ZNF610: variants seen among roughly 807,000 people sequenced by gnomAD.
ZNF610 encodes zinc finger protein 610.
In ZNF610, 14 loss-of-function variants were observed where a neutral mutation model predicts 14.1. The ratio of observed to expected loss-of-function variants is 0.99; its 90% CI spans 0.65 to 1.55. The LOEUF (loss-of-function observed/expected upper bound fraction) is 1.55, where lower values mean the gene tolerates loss of function less well. Among genes scored for constraint, ZNF610 ranks in the 40% most tolerant of loss-of-function variants. The pLI, the probability that ZNF610 is intolerant of heterozygous loss-of-function variation, is 0.00. For missense variants in ZNF610, 530 were observed against 558.0 expected (o/e 0.95, Z 0.51); for synonymous variants, 185 against 187.6 (o/e 0.99, Z 0.11).
At chr19:52,337,249 G>T (rs981373758) in intron 1 of ZNF610, among the ~76,000 whole-genome samples, 15 of 150,262 alleles carry the variant, frequency 1.0e-4, no homozygotes, top group African/African-American at 2.3e-4. Context: ...ACAGCAAGAG[G>T]GGGCAGCTGA....
rs162118 is a variant in ZNF610 at position 52,367,473 on chromosome 19, G to C, written c.*706G>C. 6.6e-6 allele frequency: 1 copy of C among 152,094 alleles called. No individual in the cohort carries two copies. The highest frequency in any genetic ancestry group is 2.4e-5 in the African/African-American group (1 of 41,408). The allele number at this position is 152,094 out of a possible 1,614,324, so 9.4% of individuals were successfully genotyped here. A position where few individuals can be genotyped will look rare whatever the true frequency, so the allele number is the denominator to read the frequency against. On this transcript the variant is annotated 3_prime_UTR_variant, in exon 6 of 6. Coordinates refer to ENST00000403906, the MANE Select transcript of ZNF610 (RefSeq NM_001161425.2). ...AATGAATTACATCCTTTCTACCAGC[G>C]TTGTTTAATCTTACCTCAGGAGGAT...
intron 3 of ZNF610, among the ~76,000 whole-genome samples, chr19:52,351,490 CT>C (rs960265149): frequency 4.0e-5 from 6 of 150,634 alleles, no homozygotes; most frequent in East Asian, 1.9e-4. Flanking sequence ...AGTCACCTCT[CT>C]TTTTTTTTGT....
chr19:52,342,454 C>T (rs554318625), intron 1 of ZNF610, among the ~76,000 whole-genome samples: 3 of 151,964 alleles, frequency 2.0e-5, no homozygotes, highest in South Asian at 2.1e-4. Flanking sequence ...TTTGCACAGC[C>T]GATCACTCCC....
At chr19:52,341,922 C>T (rs1984709766) in intron 1 of ZNF610, among the ~76,000 whole-genome samples, 2 of 152,126 alleles carry the variant, frequency 1.3e-5, no homozygotes, top group South Asian at 4.1e-4. Flanking sequence ...ACAATTCTCC[C>T]ACCTCAGCCT....
chr19:52,366,516 G>A lies in ZNF610; in HGVS notation c.1138G>A (p.Ala380Thr), dbSNP rs763454191. Residue 380 changes from alanine (A) to threonine (T), a missense_variant, in exon 6 of 6, where the codon GCA becomes ACA. Transcript: ENST00000403906. Reference protein sequence around the residue: ...KPYKCNECGRAFHKRPGLMAH... With the variant: ...KPYKCNECGRTFHKRPGLMAH... Reference sequence around the variant, plus strand: ...CTACAAATGTAACGAATGTGGAAGAGCATTTCACAAGCGTCCGGGCCTTAT... The same window carrying A: ...CTACAAATGTAACGAATGTGGAAGAACATTTCACAAGCGTCCGGGCCTTAT... 2.5e-6 allele frequency: 4 copies of A among 1,614,060 alleles called. No individual in the cohort carries two copies. The highest frequency in any genetic ancestry group is 1.7e-6 in the Non-Finnish European group (2 of 1,180,042).
upstream of ZNF610, among the ~76,000 whole-genome samples, chr19:52,332,779 GA>G (rs147914829): frequency 6.3e-3 from 963 of 152,288 alleles, 13 homozygotes; most frequent in African/African-American, 0.022. This position sits in a 1 kb window ranked among gnomAD's most constrained non-coding sequence, Gnocchi z 4.1. Flanking sequence ...TTAAGTTGTT[GA>G]AGGAATTAAA....
chr19:52,354,133 G>C, intron 4 of ZNF610, 118 bp from the exon 5 acceptor site: 1 of 1,399,244 alleles, frequency 7.1e-7, no homozygotes. Context: ...CCAGTCTGTG[G>C]GTGAACTTGT....
At chr19:52,349,123 G>A (rs778790910) in intron 2 of ZNF610, 31 bp from the exon 3 acceptor site, 5 of 1,514,732 alleles carry the variant, frequency 3.3e-6, no homozygotes, top group Admixed American at 1.7e-5. Context: ...TGTTGATTCC[G>A]AGCAGTAATC....
intron 1 of ZNF610, among the ~76,000 whole-genome samples, chr19:52,337,453 C>T (rs1314743458): frequency 1.3e-5 from 2 of 150,842 alleles, no homozygotes; most frequent in East Asian, 2.0e-4. Flanking sequence ...CAAAGAGGAA[C>T]AAGGGGTAAA....
upstream of ZNF610, among the ~76,000 whole-genome samples, chr19:52,332,202 A>G (rs771275550): frequency 8.6e-5 from 11 of 127,894 alleles, no homozygotes; most frequent in Non-Finnish European, 1.3e-4. This position sits in a 1 kb window ranked among gnomAD's most constrained non-coding sequence, Gnocchi z 4.1. Context: ...TCTATTGAAG[A>G]AACATTATTT....
At chr19:52,338,933 G>A (rs541842587) in intron 1 of ZNF610, among the ~76,000 whole-genome samples, 35 of 135,724 alleles carry the variant, frequency 2.6e-4, no homozygotes, top group East Asian at 7.8e-4. Flanking sequence ...GCGCCGGCCC[G>A]GTCTCTGAGT....
In ZNF610 at chr19:52,366,427, G is replaced by C; in HGVS notation, c.1049G>C (p.Gly350Ala). Residue 350 changes from glycine (G) to alanine (A), a missense_variant, in exon 6 of 6, where the codon GGC becomes GCC. Transcript: ENST00000403906. ...AEKPYKCNEC[G>A]KVFSLLSYLA... Reference sequence around the variant, plus strand: ...AAACCTTACAAATGTAATGAATGTGGCAAGGTCTTTAGTCTGCTTTCATAC... The same window carrying C: ...AAACCTTACAAATGTAATGAATGTGCCAAGGTCTTTAGTCTGCTTTCATAC... 1 of 1,614,116 alleles carries C rather than the reference G, an allele frequency of 6.2e-7. No homozygotes were observed. Among genetic ancestry groups the C allele is most frequent in the Non-Finnish European group, 8.5e-7 (1 of 1,180,030 alleles).
chr19:52,361,024 T>A (rs1985747038), intron 5 of ZNF610, among the ~76,000 whole-genome samples: 1 of 152,196 alleles, frequency 6.6e-6, no homozygotes, highest in Admixed American at 6.5e-5. Context: ...ATCTGGTTCA[T>A]TACTTGTTTT....
intron 5 of ZNF610, among the ~76,000 whole-genome samples, chr19:52,359,104 C>A (rs984560975): frequency 1.3e-5 from 2 of 152,124 alleles, no homozygotes; most frequent in Admixed American, 1.3e-4. Context: ...TTCTTTCTTT[C>A]AAGTTTGTTT....
intron 1 of ZNF610, among the ~76,000 whole-genome samples, chr19:52,337,856 C>G (rs1288181584): frequency 6.6e-6 from 1 of 152,224 alleles, no homozygotes; most frequent in Non-Finnish European, 1.5e-5. Context: ...AGCTTCCATT[C>G]ACAATCCCTG....
chr19:52,357,559 G>C (rs952677063), intron 5 of ZNF610, among the ~76,000 whole-genome samples: 5 of 147,824 alleles, frequency 3.4e-5, no homozygotes, highest in African/African-American at 1.0e-4. Context: ...CCCGGAGAAT[G>C]GCCTGAACCC....
In ZNF610 at chr19:52,353,705, G is replaced by C. The variant is rs1985372256; in HGVS notation, c.87G>C (p.Val29=). The part of the protein sequence containing the change: ...LPQGRLTFMD[V]AIEFSQEEWK... ...AGGGACGCTTGACATTCATGGACGT[G>C]GCCATCGAATTCTCTCAGGAGGAGT... The change falls in exon 4 of 6, where the codon GTG becomes GTC. Residue 29 remains valine, a synonymous_variant. Coordinates refer to ENST00000403906, the MANE Select transcript of ZNF610 (RefSeq NM_001161425.2). The C allele has an allele frequency of 6.2e-7, 1 of 1,613,832 alleles. No homozygotes were observed. The highest frequency in any genetic ancestry group is 8.5e-7 in the Non-Finnish European group (1 of 1,179,884).
At chr19:52,346,260 G>A (rs532408302) in intron 1 of ZNF610, among the ~76,000 whole-genome samples, 4 of 151,108 alleles carry the variant, frequency 2.6e-5, no homozygotes, top group Non-Finnish European at 5.9e-5. Context: ...TGCCTTCCGG[G>A]TTCCAGCGAT....
At chr19:52,334,959 A>ACACACACACACACACACACAC (rs60779202), upstream of ZNF610, among the ~76,000 whole-genome samples, 25 of 146,720 alleles carry the variant, frequency 1.7e-4, no homozygotes, top group South Asian at 8.6e-4. Flanking sequence ...ACACACACAC[A>ACACACACACACACACACACAC]ATGTAATTTA....
Sources: allele counts gnomAD v4.1 joint callset (sites outside exome capture counted in the v4.1 genomes callset), GRCh38; gene constraint gnomAD v4.1.1; non-coding constraint Gnocchi (gnomAD v3.1); transcripts MANE v1.5; gene names NCBI Gene and HGNC (gene_info 2026-07-23, HGNC 2026-07-21).